Variants in CITED1 observed in about 807,000 individuals in gnomAD.
The protein encoded by CITED1 is cbp/p300-interacting transactivator 1.
CITED1 carries 3 observed loss-of-function variants against 8.5 expected under a neutral mutation model. The observed-to-expected ratio is 0.35, with a 90% CI of 0.16 to 0.91. CITED1 has a LOEUF of 0.91. Ranked by LOEUF, CITED1 falls within the 40% of genes least tolerant of loss-of-function variation. The pLI, the probability that CITED1 is intolerant of heterozygous loss-of-function variation, is 0.46. For missense variants in CITED1, 113 were observed against 154.8 expected (o/e 0.73, Z 1.43); for synonymous variants, 54 against 67.4 (o/e 0.80, Z 0.97).
Position 72,301,816 on chromosome X carries a change from C to T in CITED1, c.489G>A (p.Val163=), listed in dbSNP as rs1253489925. ...CATTGGCTCGGTCCAACCCCAGTTC[C>T]ACCACCAGCGACATCAGCACTTCCT... is the stretch of plus-strand genomic sequence containing the variant. ...VDEEVLMSLV[V]ELGLDRANEL... Residue 163 remains valine (V), a synonymous_variant, in exon 3 of 3, where the codon GTG becomes GTA. Transcript: ENST00000651998. The T allele has an allele frequency of 1.7e-6, 2 of 1,210,328 alleles. No homozygotes were observed. The highest frequency in any genetic ancestry group is 2.2e-6 in the Non-Finnish European group (2 of 895,331).
Position 72,301,796 on chromosome X carries a change from G to T in CITED1, c.509C>A (p.Ala170Asp). 1.7e-6 allele frequency: 2 copies of T among 1,211,886 alleles called. No individual in the cohort carries two copies. The highest frequency in any genetic ancestry group is 3.0e-5 in the East Asian group (1 of 33,843). Residue 170 changes from alanine (A) to aspartate (D), a missense_variant, in exon 3 of 3, where the codon GCC (alanine) becomes GAC (aspartate). Ala to Asp is a moderately radical substitution (Grantham distance 126). Transcript: ENST00000651998. Reference protein sequence around the residue: ...SLVVELGLDRANELPELWLGQ... With the variant: ...SLVVELGLDRDNELPELWLGQ... The stretch of plus-strand genomic sequence containing the variant: ...CAGCCACAGCTCCGGAAGCTCATTG[G>T]CTCGGTCCAACCCCAGTTCCACCAC...
At chrX:72,302,958 G>A (rs756092494) in intron 1 of CITED1, 24 bp from the exon 2 acceptor site, 3 of 1,200,695 alleles carry the variant, frequency 2.5e-6, no homozygotes, top group East Asian at 6.0e-5. Flanking sequence ...AGAAGCAGTG[G>A]TAAGGGCAAA....
intron 1 of CITED1, chrX:72,304,283 C>T (rs1430784753): frequency 8.9e-6 from 1 of 112,475 alleles, no homozygotes; most frequent in Non-Finnish European, 1.8e-5. Context: ...ATCATCTTTG[C>T]ATTGCTTACT....
At chrX:72,305,742 C>G (rs1004759327) in intron 1 of CITED1, 83 bp downstream of exon 1, 115 of 132,411 alleles carry the variant, frequency 8.7e-4, no homozygotes, top group African/African-American at 3.3e-3. Context: ...CTGAGCCTAC[C>G]CCCTAGCCAA....
chrX:72,306,535 G>C (rs1182256948), upstream of CITED1: 1 of 111,290 alleles, frequency 9.0e-6, no homozygotes, highest in Non-Finnish European at 1.9e-5. Flanking sequence ...AGCCGCAAGA[G>C]AGGCGGCGGA....
intron 1 of CITED1, among the ~76,000 whole-genome samples, chrX:72,304,785 C>T (rs896969141): frequency 1.8e-5 from 2 of 112,065 alleles, no homozygotes; most frequent in Admixed American, 1.9e-4. Context: ...GGGAGCTCCC[C>T]CAGAAGAGGC....
rs1331992959 is a variant in CITED1 at position 72,305,281 on chromosome X, A to G, written c.-66+544T>C. The G allele has an allele frequency of 2.6e-6, 3 of 1,162,914 alleles. No homozygotes were observed. The African/African-American group carries it at 5.4e-5, about 21-fold the overall frequency. ...CTCATCTTTAACCTGTTGGGGGACC[A>G]AAAGTTAAAATGGCACCAACCGGAT... On this transcript the variant is annotated intron_variant, in intron 1 of 2. Coordinates refer to ENST00000651998, the MANE Select transcript of CITED1 (RefSeq NM_001144887.2).
In CITED1 at chrX:72,301,733, G is replaced by C. The variant is rs766306764; in HGVS notation, c.572C>G (p.Ser191Cys). 1.7e-6 allele frequency: 2 copies of C among 1,210,409 alleles called. No homozygotes were observed. The highest frequency in any genetic ancestry group is 2.2e-6 in the Non-Finnish European group (2 of 894,196). ...TAGGGACACTTGGCATTAGCAGCTA[G>C]ATGGAAAGTCCGCAGTGAAGTCAAA... ...NEFDFTADFP[S>C]SC is the part of the protein sequence containing the mutation. The change falls in exon 3 of 3, where the codon TCT (serine) becomes TGT (cysteine). Residue 191 changes from serine (S) to cysteine (C), a missense_variant. Physicochemically the swap from Ser to Cys is moderately radical, Grantham distance 112. Coordinates refer to ENST00000651998, the MANE Select transcript of CITED1 (RefSeq NM_001144887.2).
At chrX:72,302,275 A>G in intron 2 of CITED1, 31 bp from the exon 3 acceptor site, 1 of 1,181,646 alleles carries the variant, frequency 8.5e-7, no homozygotes. Flanking sequence ...CACCATAGTA[A>G]CCCTGCTCCT....
intron 1 of CITED1, among the ~76,000 whole-genome samples, chrX:72,303,969 A>G (rs1457845847): frequency 9.0e-6 from 1 of 110,936 alleles, no homozygotes; most frequent in Non-Finnish European, 1.9e-5. Context: ...AGTCTCAGCT[A>G]CTCAGGAAGC....
chrX:72,305,403 T>G, intron 1 of CITED1: 1 of 825,290 alleles, frequency 1.2e-6, no homozygotes, highest in Admixed American at 2.8e-5. Flanking sequence ...ACCAGACCAG[T>G]CAGTTTCGCC....
chrX:72,303,814 C>A (rs1486782802), intron 1 of CITED1, among the ~76,000 whole-genome samples: 10 of 111,678 alleles, frequency 9.0e-5, no homozygotes, highest in Non-Finnish European at 1.9e-5. Flanking sequence ...GGCTCAAGTG[C>A]CAAAGGATAA....
intron 1 of CITED1, 114 bp from the exon 2 acceptor site, chrX:72,303,048 G>C: frequency 2.1e-6 from 2 of 940,296 alleles, no homozygotes; most frequent in Non-Finnish European, 2.9e-6. Context: ...GATGGTGACT[G>C]AGTTAGAATC....
chrX:72,304,780 C>T (rs749277596), intron 1 of CITED1, among the ~76,000 whole-genome samples: 2 of 112,215 alleles, frequency 1.8e-5, no homozygotes, highest in Admixed American at 1.9e-4. Flanking sequence ...AATCTGGGAG[C>T]TCCCCCAGAA....
intron 2 of CITED1, 90 bp downstream of exon 2, chrX:72,302,720 G>A (rs2043301033): frequency 1.3e-6 from 1 of 793,185 alleles, no homozygotes; most frequent in Middle Eastern, 4.2e-4. Context: ...CTCTGCTCAA[G>A]GACACTGGGT....
At chrX:72,302,281 C>T (rs1232196810) in intron 2 of CITED1, 37 bp from the exon 3 acceptor site, 2 of 1,171,853 alleles carry the variant, frequency 1.7e-6, no homozygotes, top group African/African-American at 1.8e-5. Flanking sequence ...AGTAACCCTG[C>T]TCCTGGCTTG....
chrX:72,302,189 C>T lies in CITED1; in HGVS notation c.116G>A (p.Arg39His), dbSNP rs200453492. 142 of 1,203,898 alleles carry T rather than the reference C, an allele frequency of 1.2e-4. No individual in the cohort carries two copies. The highest frequency in any genetic ancestry group is 1.5e-4 in the Non-Finnish European group (135 of 891,875). ...GTAGTGCAGAATGGCCACTGCTTTGCGATCTTTCACCGCAAGGTTGGAGTA... is the reference window on the plus strand; with the variant it reads ...GTAGTGCAGAATGGCCACTGCTTTGTGATCTTTCACCGCAAGGTTGGAGTA... ...VAYSNLAVKD[R>H]KAVAILHYPG... Residue 39 changes from arginine to histidine, a missense_variant, in exon 3 of 3, where the codon CGC (arginine) becomes CAC (histidine). Coordinates refer to ENST00000651998, the MANE Select transcript of CITED1 (RefSeq NM_001144887.2).
chrX:72,305,223 GA>G (rs1199219756), intron 1 of CITED1: 4 of 936,288 alleles, frequency 4.3e-6, no homozygotes, highest in Non-Finnish European at 6.0e-6. Context: ...GGGAAGGGGA[GA>G]GGGAAAAGAG....
chrX:72,304,692 G>A (rs1178606707), intron 1 of CITED1, among the ~76,000 whole-genome samples: 1 of 111,511 alleles, frequency 9.0e-6, no homozygotes. Context: ...AAAATCAAAA[G>A]AGAGAACGAG....
Sources: allele counts gnomAD v4.1 joint callset (sites outside exome capture counted in the v4.1 genomes callset), GRCh38; gene constraint gnomAD v4.1.1; transcripts MANE v1.5; gene names NCBI Gene and HGNC (gene_info 2026-07-23, HGNC 2026-07-21).